CLN5: variants seen among roughly 807,000 people sequenced by gnomAD.
CLN5 encodes bis(monoacylglycero)phosphate synthase CLN5.
In CLN5, 34 loss-of-function variants were observed where a neutral mutation model predicts 36.7. The observed-to-expected ratio is 0.93, with a 90% CI of 0.71 to 1.23. CLN5 has a LOEUF of 1.23. Among genes scored for constraint, CLN5 ranks in the 50% most tolerant of loss-of-function variants. The probability of loss-of-function intolerance (pLI) is 0.00; values close to 1 mark genes in which losing one functional copy is unlikely to be tolerated. For synonymous variants in CLN5, 151 were observed against 155.1 expected (o/e 0.97, Z 0.20); for missense variants, 427 against 439.4 (o/e 0.97, Z 0.25).
At chr13:76,996,155 G>T (rs751738852) in intron 3 of CLN5, 28 bp downstream of exon 3, 1 of 1,531,630 alleles carries the variant, frequency 6.5e-7, no homozygotes, top group South Asian at 1.1e-5. Context: ...AGCAATATTT[G>T]ATCATTGCAT....
chr13:77,002,059 G>A lies in CLN5; in HGVS notation c.*1090G>A, dbSNP rs2034372958. 1 of 152,200 alleles carries A rather than the reference G, an allele frequency of 6.6e-6. No homozygotes were observed. The highest frequency in any genetic ancestry group is 1.5e-5 in the Non-Finnish European group (1 of 68,028). 9.4% of individuals were successfully genotyped at this position (152,200 alleles called of 1,614,324 possible). ...TCAACTGAACACGTTTCTATTCAAG[G>A]AGAAAACACCATTCAGTAAGAAGAT... On this transcript the variant is annotated 3_prime_UTR_variant, in exon 4 of 4. Coordinates refer to ENST00000377453, the MANE Select transcript of CLN5 (RefSeq NM_006493.4).
chr13:77,002,487 T>C lies in CLN5; in HGVS notation c.*1518T>C, dbSNP rs980144354. The C allele has an allele frequency of 6.6e-6, 1 of 152,148 alleles. No individual in the cohort carries two copies. The highest frequency in any genetic ancestry group is 2.4e-5 in the African/African-American group (1 of 41,436). 9.4% of individuals were successfully genotyped at this position (152,148 alleles called of 1,614,324 possible). On this transcript the variant is annotated 3_prime_UTR_variant, in exon 4 of 4. Coordinates refer to ENST00000377453, the MANE Select transcript of CLN5 (RefSeq NM_006493.4). ...ATTTATTGGAGTGTTTTTGTTTCTG[T>C]TGGGTCTAATTAAAAAAATTGGAGC...
intron 3 of CLN5, chr13:76,998,489 A>G (rs1172740810): frequency 1.3e-5 from 2 of 152,234 alleles, no homozygotes; most frequent in South Asian, 2.1e-4. Context: ...AACAGTAGAA[A>G]CATCTGAAAT....
Position 77,003,412 on chromosome 13 carries a change from A to C in CLN5, c.*2443A>C, listed in dbSNP as rs147963322. The C allele has an allele frequency of 2.9e-4, 44 of 152,346 alleles. No homozygotes were observed. The highest frequency in any genetic ancestry group is 1.1e-3 in the African/African-American group (44 of 41,594). The allele number at this position is 152,346 out of a possible 1,614,324, so 9.4% of individuals were successfully genotyped here. On this transcript the variant is annotated 3_prime_UTR_variant, in exon 4 of 4. Transcript: ENST00000377453. ...AGGTAACTACAGCACAGACAGCATT[A>C]ACATTTACAAAAGTATTTCTTAAGA... is the stretch of plus-strand genomic sequence containing the variant.
At chr13:76,998,574 A>C (rs2034305991) in intron 3 of CLN5, 1 of 152,208 alleles carries the variant, frequency 6.6e-6, no homozygotes, top group African/African-American at 2.4e-5. Flanking sequence ...CTATTTGTAT[A>C]GCTCTTTACA....
intron 2 of CLN5, chr13:76,995,438 A>T (rs2034249261): frequency 1.7e-6 from 1 of 586,622 alleles, no homozygotes; most frequent in African/African-American, 1.9e-5. Flanking sequence ...CCATTGTAAT[A>T]TTATGAATCT....
rs2034423368 is a variant in CLN5, at chr13:77,004,829, C to G, written c.*3860C>G. 2 of 152,048 alleles carry G rather than the reference C, an allele frequency of 1.3e-5. No individual in the cohort carries two copies. The highest frequency in any genetic ancestry group is 2.4e-5 in the African/African-American group (1 of 41,388). 9.4% of individuals were successfully genotyped at this position (152,048 alleles called of 1,614,324 possible). A position where few individuals can be genotyped will look rare whatever the true frequency, so the allele number is the denominator to read the frequency against. On this transcript the variant is annotated 3_prime_UTR_variant, in exon 4 of 4. Transcript: ENST00000377453. ...TTTTTCTGATATGGTTACAACAGCC[C>G]AAATTACCAAGATAAGTTGAAAGCC...
intron 1 of CLN5, chr13:76,992,493 G>A: frequency 1.7e-6 from 1 of 589,006 alleles, no homozygotes; most frequent in Non-Finnish European, 3.0e-6. Context: ...CGTCCCCTCT[G>A]GTCACTTGCG....
At position 76,995,150 on chromosome 13, in the gene CLN5, G is replaced by C; in HGVS notation, c.261G>C (p.Glu87Asp). Residue 87 changes from glutamate (E) to aspartate (D), a missense_variant, in exon 2 of 4, where the codon GAG becomes GAC. Glu to Asp is a conservative substitution (Grantham distance 45). Transcript: ENST00000377453. ...CPTGSPIPVM[E>D]GDDDIEVFRL... The stretch of plus-strand genomic sequence containing the variant: ...CTGGCTCACCTATCCCAGTTATGGA[G>C]GGTGATGATGACATTGAAGTTTTTC... 2.5e-6 allele frequency: 4 copies of C among 1,614,102 alleles called. No homozygotes were observed. The highest frequency in any genetic ancestry group is 2.2e-5 in the East Asian group (1 of 44,882).
Position 76,996,111 on chromosome 13 carries a change from A to C in CLN5, c.549A>C (p.Gln183His), listed in dbSNP as rs1307972704. The C allele has an allele frequency of 1.2e-6, 2 of 1,613,644 alleles. No individual in the cohort carries two copies. The highest frequency in any genetic ancestry group is 1.1e-5 in the South Asian group (1 of 91,066). The change falls in exon 3 of 4, where the codon CAA (glutamine) becomes CAC (histidine). Residue 183 changes from glutamine to histidine, a missense_variant. Transcript: ENST00000377453. ...VHWKENGTLV[Q>H]VATISGNMFN... Reference sequence around the variant, plus strand: ...GGAAGGAAAATGGGACATTAGTTCAAGTAGCAACTATATCAGGTAAGTTGT... The same window carrying C: ...GGAAGGAAAATGGGACATTAGTTCACGTAGCAACTATATCAGGTAAGTTGT...
Position 77,000,526 on chromosome 13 carries a change from T to A in CLN5, c.634T>A (p.Trp212Arg), listed in dbSNP as rs2034340683. Reference sequence around the variant, plus strand: ...TGAAACAGGAATTTATTATGAGACATGGAATGTAAAAGCCAGCCCAGAAAA... The same window carrying A: ...TGAAACAGGAATTTATTATGAGACAAGGAATGTAAAAGCCAGCCCAGAAAA... ...DNETGIYYETWNVKASPEKGA... is the reference protein window; with the variant it reads ...DNETGIYYETRNVKASPEKGA... The change falls in exon 4 of 4, where the codon TGG becomes AGG. Residue 212 changes from tryptophan to arginine, a missense_variant. Trp to Arg is a moderately radical substitution (Grantham distance 101, BLOSUM62 -3). Coordinates refer to ENST00000377453, the MANE Select transcript of CLN5 (RefSeq NM_006493.4). 1.2e-6 allele frequency: 2 copies of A among 1,613,944 alleles called. No individual in the cohort carries two copies. Among genetic ancestry groups the A allele is most frequent in the Non-Finnish European group, 1.7e-6 (2 of 1,179,968 alleles).
Position 77,004,789 on chromosome 13 carries a change from T to TTCAA in CLN5, c.*3824_*3827dup, listed in dbSNP as rs1399524534. The TTCAA allele has an allele frequency of 2.0e-5, 3 of 152,212 alleles. No individual in the cohort carries two copies. The highest frequency in any genetic ancestry group is 7.2e-5 in the African/African-American group (3 of 41,462). The allele number at this position is 152,212 out of a possible 1,614,324, so 9.4% of individuals were successfully genotyped here. ...TAAAATGCACTAAATTGACTTAATCTTCAATCATACCTATTTTTTCTGATA... is the reference window on the plus strand; with the variant it reads ...TAAAATGCACTAAATTGACTTAATCTTCAATCAATCATACCTATTTTTTCTGATA... On this transcript the variant is annotated 3_prime_UTR_variant, in exon 4 of 4. Coordinates refer to ENST00000377453, the MANE Select transcript of CLN5 (RefSeq NM_006493.4).
chr13:76,995,619 TCA>T, intron 2 of CLN5: 1 of 517,576 alleles, frequency 1.9e-6, no homozygotes, highest in Non-Finnish European at 3.5e-6. Flanking sequence ...TGGGGGCTCC[TCA>T]CACTTATTCT....
At chr13:77,000,222 G>A in intron 3 of CLN5, 1 of 331,610 alleles carries the variant, frequency 3.0e-6, no homozygotes. Context: ...TTAAAAAAAA[G>A]AAAAATTAAA....
rs386833966 is a variant in CLN5 at position 77,000,823 on chromosome 13, AT to A, written c.936del (p.Phe312LeufsTer4). The A allele has an allele frequency of 3.1e-6, 5 of 1,609,412 alleles. No individual in the cohort carries two copies. In the Admixed American group the frequency reaches 6.8e-5, roughly 22 times the overall value. On this transcript the variant is annotated frameshift_variant, in exon 4 of 4. Transcript: ENST00000377453. LOFTEE classifies it high-confidence loss of function. ...TKEFLLSLLQ[I>X]FDAVIVHKQF... Reference sequence around the variant, plus strand: ...AGAATTTCTGTTGAGTCTCTTGCAAATTTTTGATGCAGTGATTGTGCACAAA... The same window carrying A: ...AGAATTTCTGTTGAGTCTCTTGCAAATTTTGATGCAGTGATTGTGCACAAA...
In CLN5 at chr13:76,995,044, G is replaced by A. The variant is rs759796011; in HGVS notation, c.174-19G>A. 1.9e-6 allele frequency: 3 copies of A among 1,611,442 alleles called. No homozygotes were observed. In the East Asian group the frequency reaches 6.7e-5, roughly 36 times the overall value. On this transcript the variant is annotated intron_variant, in intron 1 of 3. Transcript: ENST00000377453. ...ATTCATTTTAGAATCTAAGTAGATG[G>A]TTTCTTTTTCTTTATTAGGCGCTTT...
In CLN5 at chr13:77,004,256, TTTTA is replaced by T. The variant is rs531873250; in HGVS notation, c.*3291_*3294del. On this transcript the variant is annotated 3_prime_UTR_variant, in exon 4 of 4. Coordinates refer to ENST00000377453, the MANE Select transcript of CLN5 (RefSeq NM_006493.4). ...CTGGAATTATAGTTCCTGTAAGATGTTTTATTTTTTAAATAGTTGGCAGGCTATA... is the reference window on the plus strand; with the variant it reads ...CTGGAATTATAGTTCCTGTAAGATGTTTTTTTAAATAGTTGGCAGGCTATA... 9.2e-5 allele frequency: 14 copies of T among 152,300 alleles called. No individual in the cohort carries two copies. The highest frequency in any genetic ancestry group is 1.5e-4 in the Non-Finnish European group (10 of 68,024). The allele number at this position is 152,300 out of a possible 1,614,324, so 9.4% of individuals were successfully genotyped here.
Position 77,000,492 on chromosome 13 carries a change from A to G in CLN5, c.600A>G (p.Lys200=), listed in dbSNP as rs1343904382. 1 of 1,613,782 alleles carries G rather than the reference A, an allele frequency of 6.2e-7. No homozygotes were observed. The highest frequency in any genetic ancestry group is 8.5e-7 in the Non-Finnish European group (1 of 1,179,968). Residue 200 remains lysine, a synonymous_variant, in exon 4 of 4, where the codon AAA becomes AAG. Transcript: ENST00000377453. ...TCAACCAAATGGCAAAGTGGGTGAA[A>G]CAGGACAATGAAACAGGAATTTATT... ...NMFNQMAKWV[K]QDNETGIYYE... is the part of the protein sequence containing the mutation.
intron 1 of CLN5, 48 bp downstream of exon 1, chr13:76,992,319 G>A: frequency 1.5e-6 from 2 of 1,296,296 alleles, no homozygotes; most frequent in Admixed American, 2.2e-5. Flanking sequence ...CGGCGTTGAC[G>A]ATGGGGGATG....
Sources: allele counts gnomAD v4.1 joint callset, GRCh38; gene constraint gnomAD v4.1.1; transcripts MANE v1.5; gene names NCBI Gene and HGNC (gene_info 2026-07-23, HGNC 2026-07-21).